TEP1: variants seen among roughly 807,000 people sequenced by gnomAD.
TEP1 encodes the protein telomerase associated protein 1.
In TEP1, 241 loss-of-function variants were observed where a neutral mutation model predicts 306.3. The ratio of observed to expected loss-of-function variants is 0.79; its 90% CI spans 0.71 to 0.88. The LOEUF is 0.88. TEP1 is among the 40% of genes least tolerant of loss of function. The pLI is 0.00. For synonymous variants in TEP1, 1,289 were observed against 1,305.5 expected (o/e 0.99, Z 0.27); for missense variants, 3,051 against 3,276.1 (o/e 0.93, Z 1.68).
intron 49 of TEP1, 27 bp from the exon 50 acceptor site, chr14:20,371,659 G>A: frequency 1.3e-6 from 2 of 1,540,888 alleles, no homozygotes; most frequent in Non-Finnish European, 8.7e-7. Flanking sequence ...CATGGACAGA[G>A]AAAGATCCTA....
chr14:20,412,731 T>C (rs998418080), intron 1 of TEP1, among the ~76,000 whole-genome samples: 2 of 140,068 alleles, frequency 1.4e-5, no homozygotes, highest in Non-Finnish European at 3.0e-5. Flanking sequence ...GTTGTTCAGC[T>C]CACTGCAATC....
intron 33 of TEP1, 43 bp from the exon 34 acceptor site, chr14:20,380,518 C>G (rs1885470331): frequency 6.4e-7 from 1 of 1,573,872 alleles, no homozygotes; most frequent in African/African-American, 1.4e-5. Context: ...CCAGCTGGAC[C>G]CCATTAGCCC....
chr14:20,402,138 T>A (rs1228849008), intron 7 of TEP1, among the ~76,000 whole-genome samples: 1 of 151,984 alleles, frequency 6.6e-6, no homozygotes, highest in Non-Finnish European at 1.5e-5. Flanking sequence ...AAACCCCGTC[T>A]CTACTAAAAC....
chr14:20,380,786 C>T, intron 33 of TEP1, 145 bp downstream of exon 33: 2 of 739,272 alleles, frequency 2.7e-6, no homozygotes, highest in East Asian at 2.7e-5. Flanking sequence ...CGTGCTCACC[C>T]TCTTGGCATT....
Position 20,395,513 on chromosome 14 carries a change from G to A in TEP1, c.1865C>T (p.Ala622Val), listed in dbSNP as rs1878123323. 6.2e-7 allele frequency: 1 copy of A among 1,613,746 alleles called. No homozygotes were observed. The highest frequency in any genetic ancestry group is 1.7e-5 in the Admixed American group (1 of 60,020). The part of the protein sequence containing the change: ...CHLSRQQLRM[A>V]MRIPVLYEQL... ...CTCATACAACACAGGTATCCTCATT[G>A]CCATCCGAAGCTGCTGACGGCTTAG... is the stretch of plus-strand genomic sequence containing the variant. Residue 622 changes from alanine (A) to valine (V), a missense_variant, in exon 12 of 55, where the codon GCA becomes GTA. Ala to Val is a moderately conservative substitution (Grantham distance 64). Transcript: ENST00000262715.
At position 20,368,226 on chromosome 14, in the gene TEP1, C is replaced by A; in HGVS notation, c.*211G>T. ...GATTAATGTTGAATAAGAAGAGACA[C>A]ACATTAGAATGTACATATACATACA... On this transcript the variant is annotated 3_prime_UTR_variant, in exon 55 of 55. Coordinates refer to ENST00000262715, the MANE Select transcript of TEP1 (RefSeq NM_007110.5). 2.3e-6 allele frequency: 1 copy of A among 426,052 alleles called. No homozygotes were observed. Among genetic ancestry groups the A allele is most frequent in the Non-Finnish European group, 4.1e-6 (1 of 245,562 alleles). The allele number at this position is 426,052 out of a possible 1,614,324, so 26.4% of individuals were successfully genotyped here. A position where few individuals can be genotyped will look rare whatever the true frequency, so the allele number is the denominator to read the frequency against.
chr14:20,410,915 G>T (rs950454165), intron 1 of TEP1, among the ~76,000 whole-genome samples: 1 of 146,446 alleles, frequency 6.8e-6, no homozygotes, highest in Non-Finnish European at 1.5e-5. Flanking sequence ...TCGACTTCCC[G>T]GGTTCAAGTA....
intron 1 of TEP1, among the ~76,000 whole-genome samples, chr14:20,412,953 C>T (rs1346670710): frequency 1.3e-5 from 2 of 152,054 alleles, no homozygotes; most frequent in African/African-American, 2.4e-5. Flanking sequence ...ACCACCGCGC[C>T]CGGCCTCCAC....
chr14:20,382,183 C>T, intron 29 of TEP1, 41 bp downstream of exon 29: 1 of 1,613,838 alleles, frequency 6.2e-7, no homozygotes, highest in Non-Finnish European at 8.5e-7. Flanking sequence ...AATCCGAACC[C>T]TGGCCCTCAG....
At chr14:20,413,265 G>T (rs1760891) in intron 1 of TEP1, 140 bp downstream of exon 1, 32,020 of 152,190 alleles carry the variant, frequency 0.21, 3,923 homozygotes, top group African/African-American at 0.35. Context: ...AGTCTCGGGT[G>T]GTTCCTAACC....
chr14:20,369,915 C>T, intron 51 of TEP1, 136 bp from the exon 52 acceptor site: 1 of 564,626 alleles, frequency 1.8e-6, no homozygotes, highest in Non-Finnish European at 2.9e-6. Flanking sequence ...ATCAAGTGCG[C>T]AAATTTTTTT....
chr14:20,402,758 T>TA (rs1199538826), intron 7 of TEP1, among the ~76,000 whole-genome samples: 1 of 152,202 alleles, frequency 6.6e-6, no homozygotes, highest in Non-Finnish European at 1.5e-5. Context: ...TGTCCAAAAG[T>TA]AAAAAGATTT....
chr14:20,379,393 AT>A (rs1387405032), intron 35 of TEP1, among the ~76,000 whole-genome samples: 1 of 152,236 alleles, frequency 6.6e-6, no homozygotes, highest in Non-Finnish European at 1.5e-5. Context: ...TGTAAAGAGG[AT>A]AGAAAGAGGC....
At position 20,386,610 on chromosome 14, in the gene TEP1, G is replaced by A. The variant is rs148926124; in HGVS notation, c.2698C>T (p.Arg900Trp). ...CGGAAAGTGGATGAAATGAAAAGCC[G>A]GATGCTGCGCCATCTGGGGATAAGC... ...PVSQQGWRSI[R>W]LFISSTFRDM... Residue 900 changes from arginine (R) to tryptophan (W), a missense_variant, in exon 19 of 55, where the codon CGG (arginine) becomes TGG (tryptophan). By Grantham distance (101) the Arg-to-Trp change is moderately radical. Around this residue, in one of 3 missense-constraint regions of TEP1, gnomAD observed 1,507 missense variants for 1,550.5 expected, o/e 0.97. Coordinates refer to ENST00000262715, the MANE Select transcript of TEP1 (RefSeq NM_007110.5). The A allele has an allele frequency of 7.1e-5, 113 of 1,602,076 alleles. No homozygotes were observed. Among genetic ancestry groups the A allele is most frequent in the Middle Eastern group, 5.0e-4 (3 of 6,014 alleles).
In TEP1 at chr14:20,391,043, C is replaced by T. The variant is rs781448990; in HGVS notation, c.2151G>A (p.Glu717=). 2 of 1,614,050 alleles carry T rather than the reference C, an allele frequency of 1.2e-6. No homozygotes were observed. Among genetic ancestry groups the T allele is most frequent in the African/African-American group, 2.7e-5 (2 of 74,900 alleles). ...LLIGMMITRA[E]QVDVVLCGGD... is the part of the protein sequence containing the mutation. ...CTCCACACAGCACGACGTCCACCTG[C>T]TCCGCCCTCGTGATCATCATCCCAA... is the stretch of plus-strand genomic sequence containing the variant. Residue 717 remains glutamate (E), a synonymous_variant, in exon 14 of 55, where the codon GAG becomes GAA. Coordinates refer to ENST00000262715, the MANE Select transcript of TEP1 (RefSeq NM_007110.5).
At chr14:20,377,231 A>T in intron 41 of TEP1, 49 bp downstream of exon 41, 1 of 1,430,650 alleles carries the variant, frequency 7.0e-7, no homozygotes, top group Non-Finnish European at 9.5e-7. Flanking sequence ...AAAAAAAAAG[A>T]AAAGAAAAGA....
chr14:20,409,018 A>G (rs370563255), intron 1 of TEP1, among the ~76,000 whole-genome samples: 101 of 152,216 alleles, frequency 6.6e-4, no homozygotes, highest in African/African-American at 2.3e-3. Flanking sequence ...AGGTACTTTA[A>G]TCAAGTTGTC....
At chr14:20,374,813 G>A (rs1026999507) in intron 43 of TEP1, among the ~76,000 whole-genome samples, 2 of 152,260 alleles carry the variant, frequency 1.3e-5, no homozygotes, top group African/African-American at 4.8e-5. Flanking sequence ...ACTTAGGCTG[G>A]GCACGGTGGC....
At position 20,371,528 on chromosome 14, in the gene TEP1, A is replaced by G; in HGVS notation, c.7181T>C (p.Leu2394Ser). The change falls in exon 50 of 55, where the codon TTA becomes TCA. Residue 2394 changes from leucine to serine, a missense_variant. Physicochemically the swap from Leu to Ser is moderately radical, Grantham distance 145. This residue lies in a region of TEP1 where 1,540 missense variants were observed against 1,705.9 expected (regional missense o/e 0.90). Transcript: ENST00000262715. ...FLILAKADLK[L>S]LCMKPGDAPS... ...AGCATCCCCTGGCTTCATGCAAAGT[A>G]ACTTCAAATCTGCTTTGGCCAAGAT... The G allele has an allele frequency of 6.2e-7, 1 of 1,609,074 alleles. No homozygotes were observed. The highest frequency in any genetic ancestry group is 1.3e-5 in the African/African-American group (1 of 74,548).
Sources: allele counts gnomAD v4.1 joint callset (sites outside exome capture counted in the v4.1 genomes callset), GRCh38; gene constraint gnomAD v4.1.1; regional missense constraint gnomAD v4.1.1; transcripts MANE v1.5; gene names NCBI Gene and HGNC (gene_info 2026-07-23, HGNC 2026-07-21).